TRIM49C: variants seen among roughly 807,000 people sequenced by gnomAD.
The protein encoded by TRIM49C is tripartite motif-containing protein 49C.
TRIM49C carries 6 observed loss-of-function variants against 21.4 expected under a neutral mutation model. The ratio of observed to expected loss-of-function variants is 0.28; its 90% CI spans 0.15 to 0.55. The LOEUF is 0.55. TRIM49C is among the 20% of genes least tolerant of loss of function. The pLI is 0.94. For missense variants in TRIM49C, 161 were observed against 442.4 expected (o/e 0.36, Z 5.71); for synonymous variants, 57 against 148.1 (o/e 0.38, Z 4.47).
intron 6 of TRIM49C, among the ~76,000 whole-genome samples, chr11:90,039,397 A>C (rs1253477379): frequency 7.7e-6 from 1 of 129,246 alleles, no homozygotes; most frequent in African/African-American, 2.9e-5. Flanking sequence ...CAGTTCTGAA[A>C]AATAGATTGA....
the TRIM49C span, among the ~76,000 whole-genome samples, chr11:90,070,585 C>G: frequency 2.2e-5 from 3 of 139,272 alleles, no homozygotes; most frequent in Admixed American, 8.2e-5. Flanking sequence ...GCATGACACT[C>G]CTCTCCATGA....
At chr11:90,032,014 AG>A (rs1285368699) in intron 1 of TRIM49C, among the ~76,000 whole-genome samples, 2 of 136,752 alleles carry the variant, frequency 1.5e-5, no homozygotes, top group Non-Finnish European at 3.2e-5. Flanking sequence ...GTGAGCCTAA[AG>A]TCTTAGCTAC....
chr11:90,056,196 G>T, the TRIM49C span, among the ~76,000 whole-genome samples: 3 of 137,352 alleles, frequency 2.2e-5, no homozygotes, highest in Non-Finnish European at 4.8e-5. Context: ...TCCTGACCTT[G>T]TGATCCGCCC....
At chr11:90,062,538 C>T in the TRIM49C span, 10 of 1,146,814 alleles carry the variant, frequency 8.7e-6, 2 homozygotes, top group Non-Finnish European at 8.0e-6. Flanking sequence ...AGGCCCTCAT[C>T]ATTCTTATTT....
chr11:90,066,982 G>T, the TRIM49C span, among the ~76,000 whole-genome samples: 1 of 136,806 alleles, frequency 7.3e-6, no homozygotes. Flanking sequence ...TGGCCAGGCT[G>T]GACTCGAACT....
rs757081085 is a variant in TRIM49C at position 90,035,417 on chromosome 11, A to C, written c.206A>C (p.His69Pro). Residue 69 changes from histidine to proline, a missense_variant, in exon 3 of 8, where the codon CAT (histidine) becomes CCT (proline). Transcript: ENST00000448984. Reference protein sequence around the residue: ...TEQINLKTNIHLKKMASLARK... With the variant: ...TEQINLKTNIPLKKMASLARK... ...CAGATAAACCTCAAAACCAACATTCATTTGAAGAAGATGGCTTCTCTTGCC... is the reference window on the plus strand; with the variant it reads ...CAGATAAACCTCAAAACCAACATTCCTTTGAAGAAGATGGCTTCTCTTGCC... The C allele has an allele frequency of 4.0e-6, 6 of 1,495,030 alleles. 1 individual carries two copies. Among genetic ancestry groups the C allele is most frequent in the Non-Finnish European group, 5.4e-6 (6 of 1,109,252 alleles). 92.6% of individuals were successfully genotyped at this position (1,495,030 alleles called of 1,614,324 possible).
At chr11:90,065,553 G>A in the TRIM49C span, among the ~76,000 whole-genome samples, 1 of 139,070 alleles carries the variant, frequency 7.2e-6, no homozygotes, top group African/African-American at 2.6e-5. Context: ...GGGATAAATT[G>A]GCTGATTAGG....
chr11:90,034,761 G>A (rs1440190048), intron 2 of TRIM49C, among the ~76,000 whole-genome samples: 1 of 133,990 alleles, frequency 7.5e-6, no homozygotes, highest in Non-Finnish European at 1.6e-5. Context: ...ATAAAAATAT[G>A]TCATAGAACC....
the TRIM49C span, among the ~76,000 whole-genome samples, chr11:90,055,195 AT>A: frequency 7.2e-6 from 1 of 139,374 alleles, no homozygotes; most frequent in Admixed American, 7.6e-5. Flanking sequence ...GAGACAGTTT[AT>A]TATAGTCTAC....
chr11:90,047,882 G>T, the TRIM49C span, among the ~76,000 whole-genome samples: 2 of 118,794 alleles, frequency 1.7e-5, 1 homozygote, highest in Non-Finnish European at 3.4e-5. Flanking sequence ...TTTACAATTT[G>T]GCATGTTTTT....
the TRIM49C span, chr11:90,049,928 C>G: frequency 1.6e-5 from 2 of 123,928 alleles, no homozygotes; most frequent in African/African-American, 6.4e-5. Context: ...TGATTTTTAA[C>G]TTCCCATGGC....
chr11:90,045,806 T>A (rs1429325279), downstream of TRIM49C, among the ~76,000 whole-genome samples: 7 of 121,214 alleles, frequency 5.8e-5, 2 homozygotes, highest in South Asian at 3.1e-4. Context: ...GAACTTCCAA[T>A]ACTGTGTTGG....
the TRIM49C span, among the ~76,000 whole-genome samples, chr11:90,060,476 C>T: frequency 2.0e-5 from 3 of 152,178 alleles, no homozygotes; most frequent in African/African-American, 7.2e-5. Context: ...AAGAAAGGAG[C>T]TCAGCAAGAG....
chr11:90,070,764 T>C, the TRIM49C span, among the ~76,000 whole-genome samples: 1 of 141,412 alleles, frequency 7.1e-6, no homozygotes, highest in Non-Finnish European at 1.5e-5. Flanking sequence ...AAAGAGCAGA[T>C]GGGCAGAATA....
At chr11:90,042,448 A>C (rs1590917787), downstream of TRIM49C, among the ~76,000 whole-genome samples, 1 of 131,532 alleles carries the variant, frequency 7.6e-6, no homozygotes, top group Non-Finnish European at 1.6e-5. Context: ...GTAATAAATA[A>C]AAGACAGTGA....
the TRIM49C span, chr11:90,062,834 G>A: frequency 7.2e-7 from 1 of 1,396,392 alleles, no homozygotes; most frequent in Non-Finnish European, 9.5e-7. Flanking sequence ...AGATTTTTCT[G>A]CATGAAGGGC....
intron 7 of TRIM49C, among the ~76,000 whole-genome samples, 163 bp from the exon 8 acceptor site, chr11:90,040,888 G>T: frequency 6.7e-6 from 1 of 148,864 alleles, no homozygotes; most frequent in Admixed American, 6.7e-5. Flanking sequence ...GGTTTTGTTT[G>T]TCTTGTATAT....
chr11:90,031,794 T>G (rs1950689538), intron 1 of TRIM49C, among the ~76,000 whole-genome samples: 1 of 146,994 alleles, frequency 6.8e-6, no homozygotes, highest in Non-Finnish European at 1.5e-5. Flanking sequence ...AAGTTTTATC[T>G]TCCATTGGAC....
chr11:90,071,098 A>C, the TRIM49C span: 1 of 491,024 alleles, frequency 2.0e-6, no homozygotes, highest in Non-Finnish European at 4.0e-6. Context: ...ACCCAACAAG[A>C]ATAACAACTT....
Sources: gnomAD v4.1 joint callset for allele counts (sites outside exome capture counted in the v4.1 genomes callset) on GRCh38, gnomAD v4.1.1 for gene constraint, MANE v1.5 for transcripts, NCBI Gene and HGNC (gene_info 2026-07-23, HGNC 2026-07-21) for gene names.